HIVEP3: variants seen among roughly 807,000 people sequenced by gnomAD.
The protein encoded by HIVEP3 is HIVEP zinc finger 3, also known as transcription factor HIVEP3.
HIVEP3 carries 49 observed loss-of-function variants against 152.8 expected under a neutral mutation model. That is an observed-to-expected ratio of 0.32 (90% CI 0.26 to 0.41). The LOEUF (loss-of-function observed/expected upper bound fraction) is 0.41. Among genes scored for constraint, HIVEP3 ranks in the 10% least tolerant of loss-of-function variants. The pLI, the probability that HIVEP3 is intolerant of heterozygous loss-of-function variation, is 1.00. For missense variants in HIVEP3, 2,790 were observed against 3,103.3 expected (o/e 0.90, Z 2.40); for synonymous variants, 1,269 against 1,289.0 (o/e 0.98, Z 0.33).
intron 5 of HIVEP3, among the ~76,000 whole-genome samples, chr1:41,545,346 A>G (rs1292536326): frequency 1.7e-5 from 2 of 115,168 alleles, no homozygotes; most frequent in African/African-American, 7.0e-5. Flanking sequence ...TATCACCACC[A>G]CCATCATCGC....
intron 2 of HIVEP3, among the ~76,000 whole-genome samples, chr1:41,640,204 C>CG (rs1645351350): frequency 1.7e-5 from 2 of 115,552 alleles, no homozygotes; most frequent in African/African-American, 6.7e-5. Flanking sequence ...ACCGGAGTGG[C>CG]GGGAGGAGGA....
intron 5 of HIVEP3, among the ~76,000 whole-genome samples, chr1:41,565,542 AC>A: frequency 7.5e-6 from 1 of 133,892 alleles, no homozygotes; most frequent in African/African-American, 2.8e-5. Flanking sequence ...ACACACACAC[AC>A]ACACACACAC....
chr1:41,651,591 A>G (rs1645550474), intron 2 of HIVEP3, among the ~76,000 whole-genome samples: 1 of 152,242 alleles, frequency 6.6e-6, no homozygotes. Flanking sequence ...ATGTGCAAAC[A>G]CTACACCATT....
At chr1:41,851,662 T>C (rs1643604573) in intron 1 of HIVEP3, among the ~76,000 whole-genome samples, 2 of 152,198 alleles carry the variant, frequency 1.3e-5, no homozygotes, top group African/African-American at 4.8e-5. Flanking sequence ...TTCCTGTTTC[T>C]CTCATTTTCA....
At chr1:41,855,263 C>T (rs1011858620) in intron 1 of HIVEP3, among the ~76,000 whole-genome samples, 1 of 151,788 alleles carries the variant, frequency 6.6e-6, no homozygotes, top group African/African-American at 2.4e-5. Flanking sequence ...ATTTGCATTT[C>T]TCTGATGGCC....
At chr1:41,730,738 G>A (rs977695560) in intron 1 of HIVEP3, among the ~76,000 whole-genome samples, 13 of 152,240 alleles carry the variant, frequency 8.5e-5, no homozygotes, top group African/African-American at 2.4e-4. Context: ...CTGATTATCC[G>A]GTGAAGGCTC....
chr1:41,528,598 C>G (rs574772953), intron 5 of HIVEP3, among the ~76,000 whole-genome samples: 2 of 63,198 alleles, frequency 3.2e-5, no homozygotes, highest in African/African-American at 1.4e-4. Flanking sequence ...ACACCCCACC[C>G]TCACACACCC....
chr1:41,622,916 A>T (rs1570133768), intron 3 of HIVEP3, among the ~76,000 whole-genome samples: 2 of 152,214 alleles, frequency 1.3e-5, no homozygotes, highest in Non-Finnish European at 2.9e-5. Context: ...CCCTTTACAC[A>T]TATTCATTTA....
intron 1 of HIVEP3, among the ~76,000 whole-genome samples, chr1:41,909,524 T>A (rs1445917902): frequency 1.3e-5 from 2 of 151,992 alleles, no homozygotes; most frequent in Non-Finnish European, 2.9e-5. Flanking sequence ...AAATCTACGA[T>A]CATAGTGGGA....
intron 1 of HIVEP3, among the ~76,000 whole-genome samples, chr1:41,900,031 T>C (rs1644595218): frequency 6.6e-6 from 1 of 152,204 alleles, no homozygotes; most frequent in South Asian, 2.1e-4. Flanking sequence ...GGAAGTCCAG[T>C]GCTTGTGAGA....
intron 5 of HIVEP3, chr1:41,535,453 T>G (rs1245242179): frequency 6.6e-6 from 1 of 152,298 alleles, no homozygotes; most frequent in Non-Finnish European, 1.5e-5. Context: ...CGCCACAGGC[T>G]GCCCTTTATC....
chr1:41,958,132 T>C (rs904178623), intron 1 of HIVEP3, among the ~76,000 whole-genome samples: 3 of 152,216 alleles, frequency 2.0e-5, no homozygotes, highest in Non-Finnish European at 4.4e-5. Flanking sequence ...CTGCCCATTT[T>C]GAGTGGCACC....
intron 1 of HIVEP3, among the ~76,000 whole-genome samples, chr1:41,714,952 C>T (rs1343639668): frequency 6.6e-6 from 1 of 152,128 alleles, no homozygotes; most frequent in Non-Finnish European, 1.5e-5. Flanking sequence ...CCTCCGGCAC[C>T]ATCTGCCCCA....
At chr1:41,753,631 G>A (rs189689386) in intron 1 of HIVEP3, among the ~76,000 whole-genome samples, 41 of 151,846 alleles carry the variant, frequency 2.7e-4, no homozygotes, top group Middle Eastern at 3.4e-3. Flanking sequence ...TCACGTCATC[G>A]CACTCCAGCC....
chr1:41,792,279 C>A, intron 1 of HIVEP3, among the ~76,000 whole-genome samples: 1 of 152,220 alleles, frequency 6.6e-6, no homozygotes, highest in East Asian at 1.9e-4. Context: ...AGGGGCAGGG[C>A]TATGTCCTTG....
rs769780799 is a variant in HIVEP3, at chr1:41,513,220, G to A, written c.6001C>T (p.Arg2001Ter). Residue 2001 changes from arginine to a stop codon, truncating the protein, a stop_gained, in exon 8 of 9, where the codon CGA (arginine) becomes TGA (stop). Coordinates refer to ENST00000372583, the MANE Select transcript of HIVEP3 (RefSeq NM_024503.5). LOFTEE classifies it high-confidence loss of function. ...CTTGGGGCTGAGGCCTGTGGTTCTC[G>A]GGCCGGGGAGCATCGCTGGGGAGAT... ...DSSPQRCSPA[R>*]EPQASAPSPP... 6.8e-6 allele frequency: 11 copies of A among 1,613,570 alleles called. No individual in the cohort carries two copies. Among genetic ancestry groups the A allele is most frequent in the Admixed American group, 1.7e-5 (1 of 60,006 alleles).
At chr1:41,700,107 A>T (rs1646338573) in intron 2 of HIVEP3, among the ~76,000 whole-genome samples, 1 of 151,830 alleles carries the variant, frequency 6.6e-6, no homozygotes, top group Non-Finnish European at 1.5e-5. Context: ...TACCCCCACA[A>T]CCAAACCCCG....
At chr1:41,696,911 A>G (rs1646285888) in intron 2 of HIVEP3, among the ~76,000 whole-genome samples, 1 of 152,242 alleles carries the variant, frequency 6.6e-6, no homozygotes, top group South Asian at 2.1e-4. Flanking sequence ...AGAATACACA[A>G]TAAGATGCTA....
At chr1:41,596,443 T>A (rs887689803) in intron 3 of HIVEP3, among the ~76,000 whole-genome samples, 22 of 152,024 alleles carry the variant, frequency 1.4e-4, no homozygotes, top group African/African-American at 3.9e-4. Context: ...ACAGTGCTGT[T>A]CCCCCAAGAA....
Sources: gnomAD v4.1 joint callset for allele counts (sites outside exome capture counted in the v4.1 genomes callset) on GRCh38, gnomAD v4.1.1 for gene constraint, MANE v1.5 for transcripts, NCBI Gene and HGNC (gene_info 2026-07-23, HGNC 2026-07-21) for gene names.